CGNL1: variants seen among roughly 807,000 people sequenced by gnomAD.
CGNL1 encodes cingulin like 1, also known as cingulin-like protein 1.
A neutral mutation model predicts 141.2 loss-of-function variants in CGNL1; 132 were observed. That is an observed-to-expected ratio of 0.93 (90% CI 0.81 to 1.08). The LOEUF (loss-of-function observed/expected upper bound fraction) is 1.08, where lower values mean the gene tolerates loss of function less well. Ranked by LOEUF, CGNL1 falls within the 50% of genes least tolerant of loss-of-function variation. The probability of loss-of-function intolerance (pLI) is 0.00; values close to 1 mark genes in which losing one functional copy is unlikely to be tolerated. For missense variants in CGNL1, 1,870 were observed against 1,588.6 expected (o/e 1.18, Z -3.01); for synonymous variants, 690 against 622.1 (o/e 1.11, Z -1.63).
At chr15:57,528,543 T>C in intron 12 of CGNL1, 111 bp from the exon 13 acceptor site, 1 of 1,061,022 alleles carries the variant, frequency 9.4e-7, no homozygotes, top group East Asian at 2.4e-5. Flanking sequence ...TCCCATATTG[T>C]GGGAGTCCAG....
In CGNL1 at chr15:57,545,677, T is replaced by C. The variant is rs1163528657; in HGVS notation, c.3586T>C (p.Ser1196Pro). 3 of 1,613,016 alleles carry C rather than the reference T, an allele frequency of 1.9e-6. No individual in the cohort carries two copies. Among genetic ancestry groups the C allele is most frequent in the Non-Finnish European group, 1.7e-6 (2 of 1,179,462 alleles). ...GATGCAGGTGGATGATGAGCACCTG[T>C]CATTGACTGATCAGAAGGACCAGGT... ...LVMQVDDEHL[S>P]LTDQKDQLSL... The change falls in exon 17 of 19, where the codon TCA becomes CCA. Residue 1196 changes from serine to proline, a missense_variant. Transcript: ENST00000281282.
At chr15:57,378,421 G>C (rs147580083) in intron 1 of CGNL1, among the ~76,000 whole-genome samples, 1 of 112,562 alleles carries the variant, frequency 8.9e-6, no homozygotes, top group Non-Finnish European at 1.7e-5. Flanking sequence ...TGCTCTTGTC[G>C]CCCAGGCTGG....
At chr15:57,388,621 CTTG>C (rs1410852151) in intron 1 of CGNL1, among the ~76,000 whole-genome samples, 1 of 152,234 alleles carries the variant, frequency 6.6e-6, no homozygotes, top group Non-Finnish European at 1.5e-5. Context: ...AGAAATGCTT[CTTG>C]TTATCAGAGC....
chr15:57,432,574 G>A (rs1040095210), intron 1 of CGNL1, among the ~76,000 whole-genome samples: 2 of 152,162 alleles, frequency 1.3e-5, no homozygotes, highest in East Asian at 3.8e-4. Context: ...ATTGATCAGC[G>A]TTTACTGCCA....
intron 1 of CGNL1, chr15:57,402,140 G>A (rs1157359653): frequency 6.6e-6 from 1 of 152,216 alleles, no homozygotes; most frequent in Non-Finnish European, 1.5e-5. Context: ...GGGGCCTGGT[G>A]GGAGGTGTTT....
intron 1 of CGNL1, among the ~76,000 whole-genome samples, chr15:57,404,277 CCT>C (rs1336269166): frequency 1.3e-5 from 2 of 152,198 alleles, no homozygotes; most frequent in African/African-American, 4.8e-5. Context: ...AATTTTTCCC[CCT>C]CTTTCAATTT....
chr15:57,468,218 CTTTTCTTTTCTTTTTCTTTTTTTTT>C (rs1169933569), intron 8 of CGNL1, among the ~76,000 whole-genome samples: 7 of 129,852 alleles, frequency 5.4e-5, no homozygotes, highest in Non-Finnish European at 1.2e-4. Flanking sequence ...CTTTCTTTTT[CTTTTCTTTTCTTTTTCTTTTTTTTT>C]TTTTTTTTTT....
intron 1 of CGNL1, among the ~76,000 whole-genome samples, chr15:57,419,698 C>T (rs1027100109): frequency 5.9e-5 from 9 of 152,202 alleles, no homozygotes; most frequent in African/African-American, 2.2e-4. Flanking sequence ...GACATATCAA[C>T]ATGATTTATC....
intron 8 of CGNL1, 47 bp from the exon 9 acceptor site, chr15:57,516,733 C>A: frequency 6.3e-7 from 1 of 1,578,542 alleles, no homozygotes; most frequent in Non-Finnish European, 8.7e-7. Flanking sequence ...CTGGGGACAG[C>A]TCCTTGACAT....
intron 8 of CGNL1, among the ~76,000 whole-genome samples, chr15:57,489,503 G>GGCCGGGCGCGGTGGCTCACGCCTGTA (rs1229674714): frequency 6.6e-6 from 1 of 152,152 alleles, no homozygotes; most frequent in African/African-American, 2.4e-5. Flanking sequence ...TAGACATGCA[G>GGCCGGGCGCGGTGGCTCACGCCTGTA]ATTTAAGCTT....
At chr15:57,491,508 C>G (rs538716980) in intron 8 of CGNL1, among the ~76,000 whole-genome samples, 2 of 152,306 alleles carry the variant, frequency 1.3e-5, no homozygotes, top group East Asian at 3.9e-4. Flanking sequence ...TTCTGGCACA[C>G]AAGACGCACT....
chr15:57,391,239 C>T (rs1261485786), intron 1 of CGNL1, among the ~76,000 whole-genome samples: 4 of 152,284 alleles, frequency 2.6e-5, no homozygotes, highest in South Asian at 4.1e-4. Flanking sequence ...TATATTCTGG[C>T]CCTGTGATGA....
chr15:57,550,350 C>T lies in CGNL1; in HGVS notation c.*2860C>T, dbSNP rs1344754655. On this transcript the variant is annotated 3_prime_UTR_variant, in exon 19 of 19. Coordinates refer to ENST00000281282, the MANE Select transcript of CGNL1 (RefSeq NM_032866.5). ...CACGGTCCTTTCCAGGTATAACATG[C>T]TATCGTTCTTTAATTTTATTATATA... 2.0e-5 allele frequency: 3 copies of T among 152,594 alleles called. No individual in the cohort carries two copies. The highest frequency in any genetic ancestry group is 7.2e-5 in the African/African-American group (3 of 41,446). The allele number at this position is 152,594 out of a possible 1,614,324, so 9.5% of individuals were successfully genotyped here. A position where few individuals can be genotyped will look rare whatever the true frequency, so the allele number is the denominator to read the frequency against.
intron 1 of CGNL1, among the ~76,000 whole-genome samples, chr15:57,421,576 C>T (rs1245074407): frequency 1.3e-5 from 2 of 152,034 alleles, no homozygotes; most frequent in Non-Finnish European, 2.9e-5. Context: ...GAATGTTTCT[C>T]AGTGGAAACA....
chr15:57,386,053 T>C (rs1053624305), intron 1 of CGNL1, among the ~76,000 whole-genome samples: 5 of 152,262 alleles, frequency 3.3e-5, no homozygotes, highest in African/African-American at 1.2e-4. Context: ...TAACGTTTTA[T>C]TGATGCCTCT....
At chr15:57,483,404 G>A (rs944966128) in intron 8 of CGNL1, among the ~76,000 whole-genome samples, 1 of 147,150 alleles carries the variant, frequency 6.8e-6, no homozygotes, top group Non-Finnish European at 1.5e-5. Flanking sequence ...TTTTATTTAT[G>A]TTTATTTTAT....
intron 8 of CGNL1, among the ~76,000 whole-genome samples, chr15:57,516,048 A>G (rs146246946): frequency 0.088 from 13,267 of 150,706 alleles, 728 homozygotes; most frequent in Non-Finnish European, 0.12. Context: ...AGTCCCAGCT[A>G]CTCGGGAGGC....
intron 8 of CGNL1, among the ~76,000 whole-genome samples, chr15:57,510,959 C>G (rs1448398123): frequency 1.3e-5 from 2 of 152,174 alleles, no homozygotes; most frequent in Non-Finnish European, 2.9e-5. Context: ...CATGAAAAGA[C>G]AAAGGAAGGG....
chr15:57,521,999 C>A (rs541255770), intron 10 of CGNL1, among the ~76,000 whole-genome samples: 17 of 152,148 alleles, frequency 1.1e-4, no homozygotes, highest in Admixed American at 6.5e-5. Flanking sequence ...GGTTCTATAA[C>A]TCCTCCTCAC....
Sources: gnomAD v4.1 joint callset for allele counts (sites outside exome capture counted in the v4.1 genomes callset) on GRCh38, gnomAD v4.1.1 for gene constraint, MANE v1.5 for transcripts, NCBI Gene and HGNC (gene_info 2026-07-23, HGNC 2026-07-21) for gene names.